Variants in RNF26 observed in about 807,000 individuals in gnomAD.
RNF26 encodes the protein E3 ubiquitin-protein ligase RNF26.
RNF26 carries 8 observed loss-of-function variants against 25.4 expected under a neutral mutation model. The observed-to-expected ratio is 0.31, with a 90% CI of 0.18 to 0.57. The LOEUF (loss-of-function observed/expected upper bound fraction) is 0.57, where lower values mean the gene tolerates loss of function less well. RNF26 is among the 20% of genes least tolerant of loss of function. The probability of loss-of-function intolerance (pLI) is 0.90; values close to 1 mark genes in which losing one functional copy is unlikely to be tolerated. For missense variants in RNF26, 470 were observed against 552.0 expected (o/e 0.85, Z 1.49); for synonymous variants, 262 against 246.7 (o/e 1.06, Z -0.58).
rs762974964 is a variant in RNF26 at position 119,335,269 on chromosome 11, GGTACTGACTA to G, written c.150_159del (p.Leu51PhefsTer15). The G allele has an allele frequency of 6.2e-7, 1 of 1,614,150 alleles. No homozygotes were observed. Among genetic ancestry groups the G allele is most frequent in the Non-Finnish European group, 8.5e-7 (1 of 1,180,044 alleles). On this transcript the variant is annotated frameshift_variant, in exon 1 of 1. Transcript: ENST00000311413. LOFTEE classifies it high-confidence loss of function. ...CCTTCGTCTACAACCTGCCGCACAC[GGTACTGACTA>G]GTCTTCTGCACTTGGGCCGCGGAGT...
Position 119,335,980 on chromosome 11 carries a change from C to A in RNF26, c.858C>A (p.Ala286=), listed in dbSNP as rs141362166. 193 of 1,612,622 alleles carry A rather than the reference C, an allele frequency of 1.2e-4. No homozygotes were observed. In the African/African-American group the frequency reaches 2.4e-3, roughly 20 times the overall value. The part of the protein sequence containing the change: ...RLSRLALGSE[A]WRRVWSRSLQ... ...CTCGCCTAGCACTGGGCTCAGAGGCCTGGCGCCGAGTCTGGAGCCGCAGTC... is the reference window on the plus strand; with the variant it reads ...CTCGCCTAGCACTGGGCTCAGAGGCATGGCGCCGAGTCTGGAGCCGCAGTC... The change falls in exon 1 of 1, where the codon GCC becomes GCA. Residue 286 remains alanine (A), a synonymous_variant. Transcript: ENST00000311413.
chr11:119,334,560 TGC>T lies in RNF26; in HGVS notation c.-560_-559del, dbSNP rs2135359209. On this transcript the variant is annotated 5_prime_UTR_variant, in exon 1 of 1. An upstream open reading frame in the 5' UTR loses its in-frame stop. Transcript: ENST00000311413. ...TGGCGGCGCCCAGCGGAGTAGGGGCTGCGCTTGGGGTTTGCTGAAGCTGGCTG... is the reference window on the plus strand; with the variant it reads ...TGGCGGCGCCCAGCGGAGTAGGGGCTGCTTGGGGTTTGCTGAAGCTGGCTG... 6.2e-6 allele frequency: 1 copy of T among 161,228 alleles called. No individual in the cohort carries two copies. Among genetic ancestry groups the T allele is most frequent in the African/African-American group, 2.4e-5 (1 of 41,652 alleles). 10.0% of individuals were successfully genotyped at this position (161,228 alleles called of 1,614,324 possible). A position where few individuals can be genotyped will look rare whatever the true frequency, so the allele number is the denominator to read the frequency against.
In RNF26 at chr11:119,335,778, T is replaced by C; in HGVS notation, c.656T>C (p.Leu219Pro). Residue 219 changes from leucine to proline, a missense_variant, in exon 1 of 1, where the codon CTC becomes CCC. By Grantham distance (98) the Leu-to-Pro change is moderately conservative (BLOSUM62 -3). Coordinates refer to ENST00000311413, the MANE Select transcript of RNF26 (RefSeq NM_032015.5). ...ALELLASAAR[L>P]LASFVLVNLT... is the part of the protein sequence containing the mutation. The stretch of plus-strand genomic sequence containing the variant: ...GAGCTGCTGGCCTCAGCTGCCCGCC[T>C]CCTGGCCAGCTTTGTGCTTGTCAAT... 6.2e-7 allele frequency: 1 copy of C among 1,614,092 alleles called. No individual in the cohort carries two copies. The highest frequency in any genetic ancestry group is 1.6e-4 in the Middle Eastern group (1 of 6,062).
At position 119,336,214 on chromosome 11, in the gene RNF26, G is replaced by T. The variant is rs200447614; in HGVS notation, c.1092G>T (p.Gly364=). 3 of 1,614,064 alleles carry T rather than the reference G, an allele frequency of 1.9e-6. No individual in the cohort carries two copies. The highest frequency in any genetic ancestry group is 2.7e-5 in the African/African-American group (2 of 75,064). Residue 364 remains glycine, a synonymous_variant, in exon 1 of 1, where the codon GGG becomes GGT. Transcript: ENST00000311413. ...TCAATGAGGAGGAGCCTCCAGGTGGGCAAGACCCTTGGAAATTGCTGAAGG... is the reference window on the plus strand; with the variant it reads ...TCAATGAGGAGGAGCCTCCAGGTGGTCAAGACCCTTGGAAATTGCTGAAGG... The part of the protein sequence containing the change: ...ERLNEEEPPG[G]QDPWKLLKEQ...
At position 119,335,611 on chromosome 11, in the gene RNF26, T is replaced by C. The variant is rs762741019; in HGVS notation, c.489T>C (p.Phe163=). Residue 163 remains phenylalanine, a synonymous_variant, in exon 1 of 1, where the codon TTT becomes TTC. Coordinates refer to ENST00000311413, the MANE Select transcript of RNF26 (RefSeq NM_032015.5). The part of the protein sequence containing the change: ...NICLIGTQNL[F]SLVLALWDAV... Reference sequence around the variant, plus strand: ...GCCTCATCGGCACTCAGAACCTCTTTTCCCTGGTGCTGGCCCTGTGGGATG... The same window carrying C: ...GCCTCATCGGCACTCAGAACCTCTTCTCCCTGGTGCTGGCCCTGTGGGATG... 38 of 1,612,738 alleles carry C rather than the reference T, an allele frequency of 2.4e-5. No homozygotes were observed. The highest frequency in any genetic ancestry group is 3.0e-5 in the Non-Finnish European group (35 of 1,179,082).
rs536350114 is a variant in RNF26, at chr11:119,334,940, C to T, written c.-183C>T. On this transcript the variant is annotated 5_prime_UTR_variant, in exon 1 of 1. Coordinates refer to ENST00000311413, the MANE Select transcript of RNF26 (RefSeq NM_032015.5). ...CTTGGACTGGCACCTGGCCACCTTT[C>T]CCTCTACCAAGACTCCACTTCCGTC... The T allele has an allele frequency of 3.0e-5, 18 of 600,174 alleles. No individual in the cohort carries two copies. The African/African-American group carries it at 3.2e-4, about 11-fold the overall frequency. The allele number at this position is 600,174 out of a possible 1,614,324, so 37.2% of individuals were successfully genotyped here. A position where few individuals can be genotyped will look rare whatever the true frequency, so the allele number is the denominator to read the frequency against.
chr11:119,335,954 T>C lies in RNF26; in HGVS notation c.832T>C (p.Ser278Pro), dbSNP rs1950438469. 2 of 1,611,442 alleles carry C rather than the reference T, an allele frequency of 1.2e-6. No individual in the cohort carries two copies. Among genetic ancestry groups the C allele is most frequent in the African/African-American group, 1.3e-5 (1 of 74,938 alleles). The change falls in exon 1 of 1, where the codon TCT becomes CCT. Residue 278 changes from serine (S) to proline (P), a missense_variant. Ser to Pro is a moderately conservative substitution (Grantham distance 74). Coordinates refer to ENST00000311413, the MANE Select transcript of RNF26 (RefSeq NM_032015.5). ...HRLREDVMRL[S>P]RLALGSEAWR... The stretch of plus-strand genomic sequence containing the variant: ...TCTTCGAGAGGATGTCATGCGGCTC[T>C]CTCGCCTAGCACTGGGCTCAGAGGC...
chr11:119,336,434 C>G lies in RNF26; in HGVS notation c.*10C>G. On this transcript the variant is annotated 3_prime_UTR_variant, in exon 1 of 1. Coordinates refer to ENST00000311413, the MANE Select transcript of RNF26 (RefSeq NM_032015.5). Reference sequence around the variant, plus strand: ...CAATGTCTACCTCTGAAGCCTCCTTCCCTGCCTGCCCACCCCTCCATGCTC... The same window carrying G: ...CAATGTCTACCTCTGAAGCCTCCTTGCCTGCCTGCCCACCCCTCCATGCTC... 1 of 1,601,684 alleles carries G rather than the reference C, an allele frequency of 6.2e-7. No individual in the cohort carries two copies. Among genetic ancestry groups the G allele is most frequent in the Middle Eastern group, 1.7e-4 (1 of 6,020 alleles).
rs561244807 is a variant in RNF26 at position 119,335,360 on chromosome 11, T to G, written c.238T>G (p.Leu80Val). ...CGTGGTCCGGTTCACATGTGGGGGC[T>G]TGCAGGCCTTGTGTACTCTGCTGTA... is the stretch of plus-strand genomic sequence containing the variant. ...EAVVRFTCGG[L>V]QALCTLLYSC... The change falls in exon 1 of 1, where the codon TTG (leucine) becomes GTG (valine). Residue 80 changes from leucine (L) to valine (V), a missense_variant. Physicochemically the swap from Leu to Val is conservative, Grantham distance 32. Transcript: ENST00000311413. 6 of 1,614,072 alleles carry G rather than the reference T, an allele frequency of 3.7e-6. No homozygotes were observed. The highest frequency in any genetic ancestry group is 5.1e-6 in the Non-Finnish European group (6 of 1,180,038).
At position 119,335,628 on chromosome 11, in the gene RNF26, T is replaced by C. The variant is rs1950435913; in HGVS notation, c.506T>C (p.Leu169Pro). 2 of 1,613,102 alleles carry C rather than the reference T, an allele frequency of 1.2e-6. No individual in the cohort carries two copies. Among genetic ancestry groups the C allele is most frequent in the African/African-American group, 1.3e-5 (1 of 75,044 alleles). The change falls in exon 1 of 1, where the codon CTG becomes CCG. Residue 169 changes from leucine to proline, a missense_variant. Transcript: ENST00000311413. ...TQNLFSLVLA[L>P]WDAVTGPLWR... ...AACCTCTTTTCCCTGGTGCTGGCCC[T>C]GTGGGATGCAGTGACCGGGCCTCTG...
rs147742175 is a variant in RNF26, at chr11:119,336,502, C to T, written c.*78C>T. On this transcript the variant is annotated 3_prime_UTR_variant, in exon 1 of 1. Coordinates refer to ENST00000311413, the MANE Select transcript of RNF26 (RefSeq NM_032015.5). ...TAGGACAGCATTAACACCTCATCTC[C>T]GGGTCCTGGTCTGAATCCCCTCCTA... 27 of 1,310,694 alleles carry T rather than the reference C, an allele frequency of 2.1e-5. No homozygotes were observed. The highest frequency in any genetic ancestry group is 8.8e-5 in the African/African-American group (6 of 68,480). The allele number at this position is 1,310,694 out of a possible 1,614,324, so 81.2% of individuals were successfully genotyped here. A position where few individuals can be genotyped will look rare whatever the true frequency, so the allele number is the denominator to read the frequency against.
chr11:119,335,587 C>T lies in RNF26; in HGVS notation c.465C>T (p.Cys155=). ...AYVINSLVNI[C]LIGTQNLFSL... ...TGATCAACAGCCTGGTCAACATCTG[C>T]CTCATCGGCACTCAGAACCTCTTTT... Residue 155 remains cysteine, a synonymous_variant, in exon 1 of 1, where the codon TGC becomes TGT. Transcript: ENST00000311413. 1 of 1,613,356 alleles carries T rather than the reference C, an allele frequency of 6.2e-7. No individual in the cohort carries two copies.
chr11:119,335,496 G>T lies in RNF26; in HGVS notation c.374G>T (p.Ser125Ile), dbSNP rs1333512820. ...LHRGVLNVVS[S>I]GHALLRQACD... ...CGGGGCGTCCTCAATGTGGTCTCCA[G>T]TGGCCATGCTTTGCTGCGCCAGGCC... The change falls in exon 1 of 1, where the codon AGT (serine) becomes ATT (isoleucine). Residue 125 changes from serine to isoleucine, a missense_variant. By Grantham distance (142) the Ser-to-Ile change is moderately radical. Coordinates refer to ENST00000311413, the MANE Select transcript of RNF26 (RefSeq NM_032015.5). The T allele has an allele frequency of 5.0e-6, 8 of 1,613,560 alleles. No individual in the cohort carries two copies. Among genetic ancestry groups the T allele is most frequent in the Non-Finnish European group, 6.8e-6 (8 of 1,179,812 alleles).
At position 119,335,486 on chromosome 11, in the gene RNF26, G is replaced by T; in HGVS notation, c.364G>T (p.Val122Leu). ...GATACTGCACCGGGGCGTCCTCAATGTGGTCTCCAGTGGCCATGCTTTGCT... is the reference window on the plus strand; with the variant it reads ...GATACTGCACCGGGGCGTCCTCAATTTGGTCTCCAGTGGCCATGCTTTGCT... ...REILHRGVLN[V>L]VSSGHALLRQ... The change falls in exon 1 of 1, where the codon GTG (valine) becomes TTG (leucine). Residue 122 changes from valine to leucine, a missense_variant. Val to Leu is a conservative substitution (Grantham distance 32). Transcript: ENST00000311413. 4.3e-6 allele frequency: 7 copies of T among 1,613,414 alleles called. No homozygotes were observed. Among genetic ancestry groups the T allele is most frequent in the Non-Finnish European group, 5.9e-6 (7 of 1,179,606 alleles).
Position 119,337,158 on chromosome 11 carries a change from G to A in RNF26, c.*734G>A, listed in dbSNP as rs75587255. ...CACTCCCACATCACACAGAAAAATGGCATTCCTCTCTGTCTCTCCCTGGCA... is the reference window on the plus strand; with the variant it reads ...CACTCCCACATCACACAGAAAAATGACATTCCTCTCTGTCTCTCCCTGGCA... On this transcript the variant is annotated 3_prime_UTR_variant, in exon 1 of 1. Transcript: ENST00000311413. 4.7e-3 allele frequency: 796 copies of A among 169,484 alleles called. 3 individuals are homozygous for A. The highest frequency in any genetic ancestry group is 0.019 in the African/African-American group (771 of 41,640). 10.5% of individuals were successfully genotyped at this position (169,484 alleles called of 1,614,324 possible).
chr11:119,335,231 G>A lies in RNF26; in HGVS notation c.109G>A (p.Ala37Thr). 3 of 1,614,180 alleles carry A rather than the reference G, an allele frequency of 1.9e-6. No individual in the cohort carries two copies. Among genetic ancestry groups the A allele is most frequent in the Non-Finnish European group, 2.5e-6 (3 of 1,180,036 alleles). ...LLVSSLLASL[A>T]WLLAFVYNLP... ...GGTGTCCTCCCTCCTGGCTTCCCTG[G>A]CCTGGCTCCTGGCCTTCGTCTACAA... Residue 37 changes from alanine (A) to threonine (T), a missense_variant, in exon 1 of 1, where the codon GCC (alanine) becomes ACC (threonine). Ala to Thr is a moderately conservative substitution (Grantham distance 58, BLOSUM62 0). Transcript: ENST00000311413.
Position 119,336,519 on chromosome 11 carries a change from C to A in RNF26, c.*95C>A. On this transcript the variant is annotated 3_prime_UTR_variant, in exon 1 of 1. Transcript: ENST00000311413. ...CTCATCTCCGGGTCCTGGTCTGAAT[C>A]CCCTCCTACCCCTGTGGCCATCCTG... The A allele has an allele frequency of 9.4e-7, 1 of 1,061,746 alleles. No individual in the cohort carries two copies. The highest frequency in any genetic ancestry group is 1.4e-6 in the Non-Finnish European group (1 of 726,834). The allele number at this position is 1,061,746 out of a possible 1,614,324, so 65.8% of individuals were successfully genotyped here.
chr11:119,335,776 C>A lies in RNF26; in HGVS notation c.654C>A (p.Arg218=). ...LALELLASAA[R]LLASFVLVNL... ...TGGAGCTGCTGGCCTCAGCTGCCCG[C>A]CTCCTGGCCAGCTTTGTGCTTGTCA... The change falls in exon 1 of 1, where the codon CGC becomes CGA. Residue 218 remains arginine, a synonymous_variant. Transcript: ENST00000311413. 6.2e-7 allele frequency: 1 copy of A among 1,614,094 alleles called. No individual in the cohort carries two copies.
In RNF26 at chr11:119,336,561, T is replaced by C. The variant is rs985145282; in HGVS notation, c.*137T>C. On this transcript the variant is annotated 3_prime_UTR_variant, in exon 1 of 1. Coordinates refer to ENST00000311413, the MANE Select transcript of RNF26 (RefSeq NM_032015.5). ...GCCATCCTGCCATACATCCAGGACA[T>C]TGAGTTGGAAGACTATGATCTGGGT... is the stretch of plus-strand genomic sequence containing the variant. The C allele has an allele frequency of 2.7e-6, 2 of 736,464 alleles. No individual in the cohort carries two copies. The highest frequency in any genetic ancestry group is 1.8e-5 in the African/African-American group (1 of 56,330). The allele number at this position is 736,464 out of a possible 1,614,324, so 45.6% of individuals were successfully genotyped here. A position where few individuals can be genotyped will look rare whatever the true frequency, so the allele number is the denominator to read the frequency against.
Sources: allele counts gnomAD v4.1 joint callset, GRCh38; gene constraint gnomAD v4.1.1; transcripts MANE v1.5; gene names NCBI Gene and HGNC (gene_info 2026-07-23, HGNC 2026-07-21).